The following GPR179 variants were observed in gnomAD, a reference collection of about 807,000 sequenced individuals.
GPR179 encodes the protein G protein-coupled receptor 179.
In GPR179, 52 loss-of-function variants were observed where a neutral mutation model predicts 70.8. The observed-to-expected ratio is 0.73, with a 90% CI of 0.59 to 0.93. GPR179 has a LOEUF of 0.93. Ranked by LOEUF, GPR179 falls within the 40% of genes least tolerant of loss-of-function variation. The pLI is 0.00. For missense variants in GPR179, 2,734 were observed against 2,966.8 expected (o/e 0.92, Z 1.82); for synonymous variants, 1,123 against 1,169.0 (o/e 0.96, Z 0.80).
chr17:38,333,304 TGCCAAGGTAGGA>T lies in GPR179; in HGVS notation c.1972_1983del (p.Tyr659_Ser662del), dbSNP rs768648984. 6.2e-7 allele frequency: 1 copy of T among 1,614,054 alleles called. No homozygotes were observed. Among genetic ancestry groups the T allele is most frequent in the African/African-American group, 1.3e-5 (1 of 75,044 alleles). On this transcript the variant is annotated inframe_deletion, in exon 10 of 11. Transcript: ENST00000616987. ...TCACTCCAGGCTGAGGCGATGCTGC[TGCCAAGGTAGGA>T]GCCTGAGTGCTGCAGGTCCAGCTCG...
At position 38,328,569 on chromosome 17, in the gene GPR179, T is replaced by C. The variant is rs555676077; in HGVS notation, c.5000A>G (p.Asp1667Gly). ...GSFSPQPRPQDTERPQTLLQM... is the reference protein window; with the variant it reads ...GSFSPQPRPQGTERPQTLLQM... Reference sequence around the variant, plus strand: ...GAGAAGGGTTTGGGGTCTCTCTGTGTCTTGAGGACGTGGTTGTGGGGAGAA... The same window carrying C: ...GAGAAGGGTTTGGGGTCTCTCTGTGCCTTGAGGACGTGGTTGTGGGGAGAA... Residue 1667 changes from aspartate to glycine, a missense_variant, in exon 11 of 11, where the codon GAC becomes GGC. Transcript: ENST00000616987. The C allele has an allele frequency of 2.0e-5, 32 of 1,614,102 alleles. No individual in the cohort carries two copies. The highest frequency in any genetic ancestry group is 1.7e-4 in the Admixed American group (10 of 60,018).
At chr17:38,335,476 G>T in intron 6 of GPR179, 115 bp downstream of exon 6, 1 of 831,412 alleles carries the variant, frequency 1.2e-6, no homozygotes, top group Non-Finnish European at 2.0e-6. Flanking sequence ...GTTGGCCTTG[G>T]GGGTAGAGGG....
chr17:38,334,642 T>C lies in GPR179; in HGVS notation c.1784+62A>G. 2.5e-6 allele frequency: 4 copies of C among 1,574,320 alleles called. No individual in the cohort carries two copies. The highest frequency in any genetic ancestry group is 2.6e-6 in the Non-Finnish European group (3 of 1,153,734). ...TGGCATGGGATGGGGGCACCTCACC[T>C]GGGAGAGGTGAGGAGTACTGTTAGA... is the stretch of plus-strand genomic sequence containing the variant. On this transcript the variant is annotated intron_variant, in intron 8 of 10. Transcript: ENST00000616987. The surrounding 1 kb of genome is among the most constrained non-coding windows in gnomAD (Gnocchi z 4.7).
In GPR179 at chr17:38,325,029, TGTTAGAG is replaced by T. The variant is rs2037272628; in HGVS notation, c.*1429_*1435del. ...GACATCAATGTCTGTACTGTTGTAC[TGTTAGAG>T]GGCGTGACTTACTGCCATCTTTAGT... On this transcript the variant is annotated 3_prime_UTR_variant, in exon 11 of 11. Transcript: ENST00000616987. 6.6e-6 allele frequency among the ~76,000 whole-genome samples: 1 copy of T among 152,208 alleles called. No individual in the cohort carries two copies. Among genetic ancestry groups the T allele is most frequent in the African/African-American group, 2.4e-5 (1 of 41,452 alleles).
chr17:38,330,171 C>G lies in GPR179; in HGVS notation c.3398G>C (p.Gly1133Ala). 1 of 1,577,610 alleles carries G rather than the reference C, an allele frequency of 6.3e-7. No homozygotes were observed. Among genetic ancestry groups the G allele is most frequent in the Non-Finnish European group, 8.6e-7 (1 of 1,161,262 alleles). ...CTGCTTACTCACCGCCTTGGGCCGG[C>G]CTAGCCTGGGCGATCGGGAGGGTGC... ...MGAPSRSPRL[G>A]RPKAVSKQAA... The change falls in exon 11 of 11, where the codon GGC (glycine) becomes GCC (alanine). Residue 1133 changes from glycine (G) to alanine (A), a missense_variant. By Grantham distance (60) the Gly-to-Ala change is moderately conservative. Transcript: ENST00000616987.
At position 38,334,781 on chromosome 17, in the gene GPR179, C is replaced by G. The variant is rs376899590; in HGVS notation, c.1707G>C (p.Ser569=). 2 of 1,613,588 alleles carry G rather than the reference C, an allele frequency of 1.2e-6. No homozygotes were observed. The highest frequency in any genetic ancestry group is 1.7e-5 in the Admixed American group (1 of 59,998). ...CCATGTAGCGTGGCTCATGGAAGGCCGAGAGCACAGCCCGTGTGGCGTAGC... is the reference window on the plus strand; with the variant it reads ...CCATGTAGCGTGGCTCATGGAAGGCGGAGAGCACAGCCCGTGTGGCGTAGC... ...FLCYATRAVL[S]AFHEPRYMGI... is the part of the protein sequence containing the mutation. The change falls in exon 8 of 11, where the codon TCG becomes TCC. Residue 569 remains serine (S), a synonymous_variant. Coordinates refer to ENST00000616987, the MANE Select transcript of GPR179 (RefSeq NM_001004334.4). The surrounding 1 kb of genome is among the most constrained non-coding windows in gnomAD (Gnocchi z 4.7).
chr17:38,326,889 G>C lies in GPR179; in HGVS notation c.6680C>G (p.Thr2227Arg). 6.2e-7 allele frequency: 1 copy of C among 1,614,172 alleles called. No homozygotes were observed. The highest frequency in any genetic ancestry group is 8.5e-7 in the Non-Finnish European group (1 of 1,180,028). The change falls in exon 11 of 11, where the codon ACA (threonine) becomes AGA (arginine). Residue 2227 changes from threonine to arginine, a missense_variant. By Grantham distance (71) the Thr-to-Arg change is moderately conservative. Transcript: ENST00000616987. ...RMAELCQWEI[T>R]DPEGNKIKGT... The stretch of plus-strand genomic sequence containing the variant: ...CTTTATTTTATTTCCTTCTGGATCT[G>C]TGATTTCCCATTGGCACAGCTCTGC...
rs992523190 is a variant in GPR179, at chr17:38,325,126, C to G, written c.*1339G>C. Reference sequence around the variant, plus strand: ...CCCTCTCCCACCTCCCTTTGCCAATCTTGGGACTTCTTTGTATGTTTTTCT... The same window carrying G: ...CCCTCTCCCACCTCCCTTTGCCAATGTTGGGACTTCTTTGTATGTTTTTCT... On this transcript the variant is annotated 3_prime_UTR_variant, in exon 11 of 11. Transcript: ENST00000616987. Among the ~76,000 whole-genome samples the G allele has an allele frequency of 6.6e-6, 1 of 152,170 alleles. No individual in the cohort carries two copies. The highest frequency in any genetic ancestry group is 1.5e-5 in the Non-Finnish European group (1 of 68,036).
Position 38,337,009 on chromosome 17 carries a change from A to G in GPR179, c.1196T>C (p.Met399Thr), listed in dbSNP as rs761974469. 11 of 1,606,312 alleles carry G rather than the reference A, an allele frequency of 6.8e-6. No homozygotes were observed. The South Asian group carries it at 7.8e-5, about 11-fold the overall frequency. ...ACCMLAIFLSMLVSYRCRRNK... is the reference protein window; with the variant it reads ...ACCMLAIFLSTLVSYRCRRNK... ...CCGGCGGCAGCGGTAGGAGACCAGC[A>G]TGCTCAGGAAGATGGCCAGCATGCA... Residue 399 changes from methionine (M) to threonine (T), a missense_variant, in exon 4 of 11, where the codon ATG (methionine) becomes ACG (threonine). By Grantham distance (81) the Met-to-Thr change is moderately conservative. Transcript: ENST00000616987.
chr17:38,333,219 C>A, intron 10 of GPR179, 32 bp downstream of exon 10: 1 of 1,605,038 alleles, frequency 6.2e-7, no homozygotes, highest in East Asian at 2.2e-5. Flanking sequence ...TAAAAGCTAG[C>A]ATTGAAAGGA....
rs960302023 is a variant in GPR179 at position 38,335,322 on chromosome 17, C to T, written c.1407-51G>A. The T allele has an allele frequency of 5.4e-5, 75 of 1,388,786 alleles. No individual in the cohort carries two copies. In the Admixed American group the frequency reaches 8.4e-4, roughly 16 times the overall value. 86.0% of individuals were successfully genotyped at this position (1,388,786 alleles called of 1,614,324 possible). ...GGATGGCAGGGACCTGGGTGGATCA[C>T]GAAGAGGGTGCCAGCGCCCTGGTCT... On this transcript the variant is annotated intron_variant, in intron 6 of 10. Coordinates refer to ENST00000616987, the MANE Select transcript of GPR179 (RefSeq NM_001004334.4).
At chr17:38,337,980 G>C (rs939969645) in intron 2 of GPR179, among the ~76,000 whole-genome samples, 10 of 152,228 alleles carry the variant, frequency 6.6e-5, no homozygotes, top group African/African-American at 2.4e-4. Flanking sequence ...TGTTCAGACT[G>C]GCAGTGACAG....
Position 38,326,677 on chromosome 17 carries a change from T to A in GPR179, c.6892A>T (p.Ser2298Cys). 1 of 1,614,176 alleles carries A rather than the reference T, an allele frequency of 6.2e-7. No homozygotes were observed. The highest frequency in any genetic ancestry group is 1.1e-5 in the South Asian group (1 of 91,074). Residue 2298 changes from serine to cysteine, a missense_variant, in exon 11 of 11, where the codon AGC becomes TGC. Physicochemically the swap from Ser to Cys is moderately radical, Grantham distance 112. Transcript: ENST00000616987. ...PESKIPCPKVSRPASTFTLEG... is the reference protein window; with the variant it reads ...PESKIPCPKVCRPASTFTLEG... ...AGAGTGAAAGTACTGGCTGGCCTGC[T>A]TACCTTGGGGCAGGGGATTTTGCTT...
rs777154096 is a variant in GPR179, at chr17:38,328,111, A to G, written c.5458T>C (p.Trp1820Arg). 5.6e-6 allele frequency: 9 copies of G among 1,613,998 alleles called. No individual in the cohort carries two copies. The South Asian group carries it at 8.8e-5, about 16-fold the overall frequency. ...CCAGTAGTTCCTTCACTTACCTCCC[A>G]GGGACAGATCTTGGCTTTTTCACTG... ...ATSEKAKICPWEVSEGTTGKG... is the reference protein window; with the variant it reads ...ATSEKAKICPREVSEGTTGKG... The change falls in exon 11 of 11, where the codon TGG (tryptophan) becomes CGG (arginine). Residue 1820 changes from tryptophan (W) to arginine (R), a missense_variant. Coordinates refer to ENST00000616987, the MANE Select transcript of GPR179 (RefSeq NM_001004334.4).
At position 38,334,813 on chromosome 17, in the gene GPR179, A is replaced by T. The variant is rs1156971137; in HGVS notation, c.1675T>A (p.Phe559Ile). Residue 559 changes from phenylalanine (F) to isoleucine (I), a missense_variant, in exon 8 of 11, where the codon TTC (phenylalanine) becomes ATC (isoleucine). Transcript: ENST00000616987. This position sits in a 1 kb window ranked among gnomAD's most constrained non-coding sequence, Gnocchi z 4.7. ...ACAGCCCGTGTGGCGTAGCAGAGGA[A>T]GCTGCCCCAGCACAGCAGCAGCAGC... ...AELLLLCWGS[F>I]LCYATRAVLS... 4 of 1,612,820 alleles carry T rather than the reference A, an allele frequency of 2.5e-6. No homozygotes were observed. In the African/African-American group the frequency reaches 5.3e-5, roughly 22 times the overall value.
chr17:38,330,062 T>A lies in GPR179; in HGVS notation c.3507A>T (p.Gln1169His). 1 of 1,614,184 alleles carries A rather than the reference T, an allele frequency of 6.2e-7. No individual in the cohort carries two copies. Among genetic ancestry groups the A allele is most frequent in the South Asian group, 1.1e-5 (1 of 91,080 alleles). The change falls in exon 11 of 11, where the codon CAA (glutamine) becomes CAT (histidine). Residue 1169 changes from glutamine (Q) to histidine (H), a missense_variant. Transcript: ENST00000616987. ...CTTCTTGTTCCCTGCTGCCCTCCCG[T>A]TGACAGACTTGGAGCATCCTGCTGG... The part of the protein sequence containing the change: ...AHTSRMLQVC[Q>H]REGSREQEDR...
chr17:38,325,757 T>C lies in GPR179; in HGVS notation c.*708A>G. ...CTGTGTTCTCTCTCTCTGATGTTGC[T>C]TTGGATGCCAGATGCTGATAAGGGT... On this transcript the variant is annotated 3_prime_UTR_variant, in exon 11 of 11. Transcript: ENST00000616987. The C allele has an allele frequency of 6.6e-6, 1 of 152,630 alleles. No individual in the cohort carries two copies. 9.5% of individuals were successfully genotyped at this position (152,630 alleles called of 1,614,324 possible).
rs1262914154 is a variant in GPR179 at position 38,325,647 on chromosome 17, A to G, written c.*818T>C. 6.6e-6 allele frequency: 1 copy of G among 152,302 alleles called. No individual in the cohort carries two copies. The highest frequency in any genetic ancestry group is 1.5e-5 in the Non-Finnish European group (1 of 68,072). The allele number at this position is 152,302 out of a possible 1,614,324, so 9.4% of individuals were successfully genotyped here. On this transcript the variant is annotated 3_prime_UTR_variant, in exon 11 of 11. Transcript: ENST00000616987. ...GGGCAGGAAGAGGGGGAGACCCCCTAAAAAACTAGCAAGAGGCACACAAGG... is the reference window on the plus strand; with the variant it reads ...GGGCAGGAAGAGGGGGAGACCCCCTGAAAAACTAGCAAGAGGCACACAAGG...
intron 6 of GPR179, 42 bp from the exon 7 acceptor site, chr17:38,335,313 G>C: frequency 2.1e-6 from 3 of 1,452,436 alleles, no homozygotes; most frequent in Non-Finnish European, 2.8e-6. Context: ...CAGGGACCTG[G>C]GTGGATCACG....
Sources: allele counts gnomAD v4.1 joint callset (sites outside exome capture counted in the v4.1 genomes callset), GRCh38; gene constraint gnomAD v4.1.1; non-coding constraint Gnocchi (gnomAD v3.1); transcripts MANE v1.5; gene names NCBI Gene and HGNC (gene_info 2026-07-23, HGNC 2026-07-21).